Variants in FOSL2 observed in about 807,000 individuals in gnomAD.
The protein encoded by FOSL2 is fos-related antigen 2.
In FOSL2, 3 loss-of-function variants were observed where a neutral mutation model predicts 27.7. The ratio of observed to expected loss-of-function variants is 0.11; its 90% confidence interval spans 0.05 to 0.28. FOSL2 has a LOEUF of 0.28. Ranked by LOEUF, FOSL2 falls within the 10% of genes least tolerant of loss-of-function variation. The pLI, the probability that FOSL2 is intolerant of heterozygous loss-of-function variation, is 1.00. For missense variants in FOSL2, 333 were observed against 445.1 expected (o/e 0.75, Z 2.27); for synonymous variants, 179 against 190.1 (o/e 0.94, Z 0.48).
At chr2:28,406,753 T>C (rs535601383) in intron 2 of FOSL2, among the ~76,000 whole-genome samples, 1 of 152,344 alleles carries the variant, frequency 6.6e-6, no homozygotes, top group African/African-American at 2.4e-5. Context: ...ACTTTGGCTG[T>C]TCAGGTTGCC....
chr2:28,407,006 C>A (rs1664098185), intron 2 of FOSL2, among the ~76,000 whole-genome samples: 1 of 152,212 alleles, frequency 6.6e-6, no homozygotes, highest in African/African-American at 2.4e-5. Context: ...ATCTCACCGC[C>A]CCTGAACACT....
intron 1 of FOSL2, among the ~76,000 whole-genome samples, chr2:28,395,109 A>T (rs776205957): frequency 2.5e-4 from 38 of 152,230 alleles, no homozygotes; most frequent in Non-Finnish European, 3.4e-4. Flanking sequence ...CAGTAGAGAC[A>T]GCCTAGTCTG....
chr2:28,412,873 T>C lies in FOSL2; in HGVS notation c.*425T>C, dbSNP rs7562. On this transcript the variant is annotated 3_prime_UTR_variant, in exon 4 of 4. Coordinates refer to ENST00000264716, the MANE Select transcript of FOSL2 (RefSeq NM_005253.4). The surrounding 1 kb of genome is among the most constrained non-coding windows in gnomAD (Gnocchi z 7.1). ...TTCACCTTCCCTCGACTTGACCCTT[T>C]CCTCCCCCAGCGTCAGTTTCACTCC... 87,277 of 168,716 alleles carry C rather than the reference T, an allele frequency of 0.52. 24,541 individuals are homozygous for C. The highest frequency in any genetic ancestry group is 0.75 in the African/African-American group (31,377 of 42,074). The allele number at this position is 168,716 out of a possible 1,614,324, so 10.5% of individuals were successfully genotyped here. A position where few individuals can be genotyped will look rare whatever the true frequency, so the allele number is the denominator to read the frequency against.
intron 1 of FOSL2, among the ~76,000 whole-genome samples, chr2:28,399,396 A>G (rs939171946): frequency 1.3e-5 from 2 of 152,194 alleles, no homozygotes; most frequent in East Asian, 3.8e-4. Flanking sequence ...GAGTCTCAGG[A>G]GGCAGTTTTC....
In FOSL2 at chr2:28,414,971, G is replaced by A. The variant is rs1664283726; in HGVS notation, c.*2523G>A. On this transcript the variant is annotated 3_prime_UTR_variant, in exon 4 of 4. Transcript: ENST00000264716. ...GACTGAATATTCACACCTAAGTCGT[G>A]AGCATATCCTGAGTTTTACTTCCTT... is the stretch of plus-strand genomic sequence containing the variant. The A allele has an allele frequency of 6.6e-6, 1 of 152,218 alleles. No homozygotes were observed. Among genetic ancestry groups the A allele is most frequent in the Admixed American group, 6.5e-5 (1 of 15,274 alleles). 9.4% of individuals were successfully genotyped at this position (152,218 alleles called of 1,614,324 possible).
Position 28,393,882 on chromosome 2 carries a change from C to G in FOSL2, c.102+60C>G. On this transcript the variant is annotated intron_variant, in intron 1 of 3. Transcript: ENST00000264716. The surrounding 1 kb of genome is among the most constrained non-coding windows in gnomAD (Gnocchi z 4.6). ...GCGGACCCCTGCCCTCTTCTCGCCG[C>G]CACTGCCTCTTTTGCTTTCTTTTCT... 1.8e-6 allele frequency: 2 copies of G among 1,096,336 alleles called. No individual in the cohort carries two copies. The highest frequency in any genetic ancestry group is 2.8e-5 in the East Asian group (1 of 36,004). 67.9% of individuals were successfully genotyped at this position (1,096,336 alleles called of 1,614,324 possible).
rs1664218595 is a variant in FOSL2, at chr2:28,412,202, C to T, written c.735C>T (p.Val245=). Reference sequence around the variant, plus strand: ...GGCTGGACAAGGCCCAGCGCTCTGTCATCAAGCCCATCAGCATTGCTGGGG... The same window carrying T: ...GGCTGGACAAGGCCCAGCGCTCTGTTATCAAGCCCATCAGCATTGCTGGGG... ...SAGLDKAQRS[V]IKPISIAGGF... The change falls in exon 4 of 4, where the codon GTC becomes GTT. Residue 245 remains valine, a synonymous_variant. Coordinates refer to ENST00000264716, the MANE Select transcript of FOSL2 (RefSeq NM_005253.4). The surrounding 1 kb of genome is among the most constrained non-coding windows in gnomAD (Gnocchi z 7.1). 8.7e-6 allele frequency: 14 copies of T among 1,613,156 alleles called. No individual in the cohort carries two copies. In the East Asian group the frequency reaches 3.1e-4, roughly 36 times the overall value.
Position 28,412,559 on chromosome 2 carries a change from A to G in FOSL2, c.*111A>G. On this transcript the variant is annotated 3_prime_UTR_variant, in exon 4 of 4. Transcript: ENST00000264716. The surrounding 1 kb of genome is among the most constrained non-coding windows in gnomAD (Gnocchi z 7.1). The stretch of plus-strand genomic sequence containing the variant: ...CGTGAGGGCAAGAGGGGGACCTGCC[A>G]CCAGGGAGCTTCCTGGCTCTGGGGG... 7.7e-7 allele frequency: 1 copy of G among 1,298,106 alleles called. No homozygotes were observed. The highest frequency in any genetic ancestry group is 1.0e-6 in the Non-Finnish European group (1 of 953,446). The allele number at this position is 1,298,106 out of a possible 1,614,324, so 80.4% of individuals were successfully genotyped here.
intron 2 of FOSL2, among the ~76,000 whole-genome samples, chr2:28,407,812 C>T (rs1664114669): frequency 6.6e-6 from 1 of 152,238 alleles, no homozygotes. Context: ...ATTGGGGTCA[C>T]AGCTCTGCAG....
chr2:28,393,126 G>A lies in FOSL2; in HGVS notation c.-595G>A. On this transcript the variant is annotated 5_prime_UTR_variant, in exon 1 of 4. Transcript: ENST00000264716. This position sits in a 1 kb window ranked among gnomAD's most constrained non-coding sequence, Gnocchi z 4.6. ...GTCCCCCTGGCGCGCTCGGGGCCGC[G>A]GGACGGGCGCACGCCGCCTTCTCCT... 1 of 351,746 alleles carries A rather than the reference G, an allele frequency of 2.8e-6. No individual in the cohort carries two copies. 21.8% of individuals were successfully genotyped at this position (351,746 alleles called of 1,614,324 possible).
intron 2 of FOSL2, among the ~76,000 whole-genome samples, chr2:28,407,011 A>G (rs979973175): frequency 4.6e-5 from 7 of 152,176 alleles, no homozygotes; most frequent in Non-Finnish European, 1.0e-4. Context: ...ACCGCCCCTG[A>G]ACACTTCCTA....
Position 28,416,863 on chromosome 2 carries a change from G to A in FOSL2, c.*4415G>A, listed in dbSNP as rs1192413646. The A allele has an allele frequency of 6.6e-6, 1 of 151,302 alleles. No homozygotes were observed. The highest frequency in any genetic ancestry group is 1.5e-5 in the Non-Finnish European group (1 of 67,934). The allele number at this position is 151,302 out of a possible 1,614,324, so 9.4% of individuals were successfully genotyped here. A position where few individuals can be genotyped will look rare whatever the true frequency, so the allele number is the denominator to read the frequency against. On this transcript the variant is annotated 3_prime_UTR_variant, in exon 4 of 4. Transcript: ENST00000264716. Reference sequence around the variant, plus strand: ...ATTTGAGATATGTTAATGACGTGGAGTAAAGTCAGCTGTAAGACTCTGGAG... The same window carrying A: ...ATTTGAGATATGTTAATGACGTGGAATAAAGTCAGCTGTAAGACTCTGGAG...
At chr2:28,394,145 CCCCCCA>C (rs1295739363) in intron 1 of FOSL2, among the ~76,000 whole-genome samples, 14 of 129,346 alleles carry the variant, frequency 1.1e-4, no homozygotes, top group African/African-American at 2.6e-4. Flanking sequence ...CTGCCCCCCC[CCCCCCA>C]CCCCTGCCCC....
intron 3 of FOSL2, among the ~76,000 whole-genome samples, chr2:28,411,395 G>A (rs536650636): frequency 3.9e-5 from 6 of 152,106 alleles, no homozygotes; most frequent in East Asian, 1.9e-4. Flanking sequence ...GCTGTGTTCC[G>A]TACCCCCTTC....
chr2:28,396,943 A>G (rs1463689245), intron 1 of FOSL2: 2 of 152,080 alleles, frequency 1.3e-5, no homozygotes, highest in Non-Finnish European at 2.9e-5. Flanking sequence ...AGCCTCAATC[A>G]TACCTCTCTA....
chr2:28,397,642 A>G (rs1663882066), intron 1 of FOSL2, among the ~76,000 whole-genome samples: 1 of 152,218 alleles, frequency 6.6e-6, no homozygotes, highest in South Asian at 2.1e-4. Context: ...AGGTGAGGGT[A>G]AAATTGGGAG....
intron 2 of FOSL2, among the ~76,000 whole-genome samples, chr2:28,406,044 CTTTTTTTTTTTTT>C (rs10525036): frequency 1.3e-4 from 5 of 39,694 alleles, no homozygotes; most frequent in African/African-American, 8.2e-4. Context: ...TCTCCATTCC[CTTTTTTTTTTTTT>C]TTTTTTTTTT....
rs543460388 is a variant in FOSL2, at chr2:28,404,566, C to T, written c.354+208C>T. Among the ~76,000 whole-genome samples, 18 of 152,314 alleles carry T rather than the reference C, an allele frequency of 1.2e-4. No homozygotes were observed. Among genetic ancestry groups the T allele is most frequent in the African/African-American group, 4.1e-4 (17 of 41,556 alleles). On this transcript the variant is annotated intron_variant, in intron 2 of 3. Coordinates refer to ENST00000264716, the MANE Select transcript of FOSL2 (RefSeq NM_005253.4). This position sits in a 1 kb window ranked among gnomAD's most constrained non-coding sequence, Gnocchi z 4.7. Reference sequence around the variant, plus strand: ...TGGCTCTGTCATCTCGCTTATGTCCCTTAGAATCTCTGAGTCTCACTTTCC... The same window carrying T: ...TGGCTCTGTCATCTCGCTTATGTCCTTTAGAATCTCTGAGTCTCACTTTCC...
At position 28,415,786 on chromosome 2, in the gene FOSL2, C is replaced by T. The variant is rs1664301026; in HGVS notation, c.*3338C>T. On this transcript the variant is annotated 3_prime_UTR_variant, in exon 4 of 4. Coordinates refer to ENST00000264716, the MANE Select transcript of FOSL2 (RefSeq NM_005253.4). ...TGAGGACATCTCTTTATAAAAGGCC[C>T]CTAAGTAATGGATAAACAGAAACAC... 1 of 152,114 alleles carries T rather than the reference C, an allele frequency of 6.6e-6. No individual in the cohort carries two copies. Among genetic ancestry groups the T allele is most frequent in the Non-Finnish European group, 1.5e-5 (1 of 68,022 alleles). 9.4% of individuals were successfully genotyped at this position (152,114 alleles called of 1,614,324 possible). A position where few individuals can be genotyped will look rare whatever the true frequency, so the allele number is the denominator to read the frequency against.
Sources: gnomAD v4.1 joint callset for allele counts (sites outside exome capture counted in the v4.1 genomes callset) on GRCh38, gnomAD v4.1.1 for gene constraint, Gnocchi (gnomAD v3.1) non-coding constraint, MANE v1.5 for transcripts, NCBI Gene and HGNC (gene_info 2026-07-23, HGNC 2026-07-21) for gene names.